Variants in ADGRB1 observed in about 807,000 individuals in gnomAD.
The protein encoded by ADGRB1 is brain-specific angiogenesis inhibitor 1.
Under a neutral mutation model 175.7 loss-of-function variants are expected in ADGRB1, and 36 were observed. The observed-to-expected ratio is 0.20, with a 90% CI of 0.16 to 0.27. The LOEUF (loss-of-function observed/expected upper bound fraction) is 0.27, where lower values mean the gene tolerates loss of function less well. ADGRB1 is among the 10% of genes least tolerant of loss of function. The pLI is 1.00. For synonymous variants in ADGRB1, 1,054 were observed against 979.4 expected (o/e 1.08, Z -1.42); for missense variants, 1,731 against 2,255.3 (o/e 0.77, Z 4.71).
At chr8:142,530,131 G>C (rs780889284) in intron 24 of ADGRB1, among the ~76,000 whole-genome samples, 1 of 152,118 alleles carries the variant, frequency 6.6e-6, no homozygotes, top group Admixed American at 6.5e-5. Flanking sequence ...ATAAGTGTGA[G>C]TGTGTATATA....
Position 142,474,266 on chromosome 8 carries a change from C to T in ADGRB1, c.785-1208C>T, listed in dbSNP as rs546083682. Among the ~76,000 whole-genome samples, 39 of 152,114 alleles carry T rather than the reference C, an allele frequency of 2.6e-4. No individual in the cohort carries two copies. The highest frequency in any genetic ancestry group is 5.3e-4 in the Non-Finnish European group (36 of 67,982). ...CCTGATTGCTGCCCCTGGGGCCTCC[C>T]CTGCTGTACCTGGGATCGAGCTGCC... On this transcript the variant is annotated intron_variant, in intron 2 of 30. Coordinates refer to ENST00000517894, the MANE Select transcript of ADGRB1 (RefSeq NM_001702.3). This position sits in a 1 kb window ranked among gnomAD's most constrained non-coding sequence, Gnocchi z 5.8.
chr8:142,488,302 G>GC, intron 13 of ADGRB1, 62 bp from the exon 14 acceptor site: 1 of 1,594,202 alleles, frequency 6.3e-7, no homozygotes, highest in South Asian at 1.1e-5. Context: ...CGCAGCTGAG[G>GC]CCCCGCCACA....
chr8:142,536,117 G>T (rs539807996), intron 25 of ADGRB1, among the ~76,000 whole-genome samples: 34 of 151,994 alleles, frequency 2.2e-4, no homozygotes, highest in Non-Finnish European at 3.8e-4. Flanking sequence ...GTAGGTGGGT[G>T]CCTGGAAGCC....
chr8:142,464,313 G>C lies in ADGRB1; in HGVS notation c.115G>C (p.Gly39Arg). 2 of 1,443,396 alleles carry C rather than the reference G, an allele frequency of 1.4e-6. No individual in the cohort carries two copies. Among genetic ancestry groups the C allele is most frequent in the South Asian group, 1.4e-5 (1 of 70,788 alleles). 89.4% of individuals were successfully genotyped at this position (1,443,396 alleles called of 1,614,324 possible). ...RAAAGADAGP[G>R]PEPCATLVQG... ...GGCCGCCGGAGCAGACGCGGGGCCC[G>C]GGCCCGAGCCGTGCGCCACGCTGGT... Residue 39 changes from glycine (G) to arginine (R), a missense_variant, in exon 2 of 31, where the codon GGG (glycine) becomes CGG (arginine). This residue lies in a region of ADGRB1 where 383 missense variants were observed against 383.1 expected (regional missense o/e 1.00). Transcript: ENST00000517894.
intron 23 of ADGRB1, among the ~76,000 whole-genome samples, chr8:142,526,295 A>G (rs1161252185): frequency 1.3e-5 from 2 of 152,140 alleles, no homozygotes; most frequent in Non-Finnish European, 2.9e-5. Context: ...AAGGGATGCA[A>G]GGAGTTGCAG....
rs763787579 is a variant in ADGRB1 at position 142,542,201 on chromosome 8, G to A, written c.3967G>A (p.Gly1323Arg). Residue 1323 changes from glycine (G) to arginine (R), a missense_variant, in exon 28 of 31, where the codon GGG becomes AGG. This residue lies in a region of ADGRB1 where 394 missense variants were observed against 410.2 expected (regional missense o/e 0.96). Transcript: ENST00000517894. This position sits in a 1 kb window ranked among gnomAD's most constrained non-coding sequence, Gnocchi z 6.3. The part of the protein sequence containing the change: ...KAPKSSFVGD[G>R]DIFKKLDSEL... ...GCCCAAGTCCTCCTTCGTCGGTGAC[G>A]GGGACATCTTCAAGAAGCTGGACTC... 3.7e-6 allele frequency: 6 copies of A among 1,613,634 alleles called. No homozygotes were observed. Among genetic ancestry groups the A allele is most frequent in the East Asian group, 2.2e-5 (1 of 44,862 alleles).
At chr8:142,478,469 C>T in intron 7 of ADGRB1, 109 bp downstream of exon 7, 1 of 1,282,484 alleles carries the variant, frequency 7.8e-7, no homozygotes, top group Admixed American at 2.6e-5. Context: ...CGGCATGTGA[C>T]TGAGGAGGGA....
chr8:142,491,602 G>A (rs771328171), intron 17 of ADGRB1, among the ~76,000 whole-genome samples: 53 of 152,188 alleles, frequency 3.5e-4, no homozygotes, highest in Admixed American at 9.2e-4. Flanking sequence ...ATGCGGCTCC[G>A]GCCTGAGGGG....
Position 142,524,250 on chromosome 8 carries a change from C to T in ADGRB1, c.3258C>T (p.Ser1086=). Residue 1086 remains serine, a synonymous_variant, in exon 23 of 31, where the codon TCC becomes TCT. Coordinates refer to ENST00000517894, the MANE Select transcript of ADGRB1 (RefSeq NM_001702.3). ...GTCTCCTCCCCAGCTGCTGGCTCTC[C>T]CTGGAGGGGGGACTGCTCTATGCCT... is the stretch of plus-strand genomic sequence containing the variant. ...GYSTMNYCWL[S]LEGGLLYAFV... 1 of 1,600,418 alleles carries T rather than the reference C, an allele frequency of 6.2e-7. No individual in the cohort carries two copies. The highest frequency in any genetic ancestry group is 1.3e-5 in the African/African-American group (1 of 74,992).
chr8:142,454,034 C>T (rs1006212962), intron 1 of ADGRB1, among the ~76,000 whole-genome samples: 4 of 152,176 alleles, frequency 2.6e-5, no homozygotes, highest in African/African-American at 9.7e-5. Flanking sequence ...AAGGTCTTGG[C>T]CCATGTTCTG....
At chr8:142,491,188 G>A (rs1841964141) in intron 17 of ADGRB1, among the ~76,000 whole-genome samples, 1 of 152,262 alleles carries the variant, frequency 6.6e-6, no homozygotes, top group African/African-American at 2.4e-5. Context: ...GGCTGCGAAA[G>A]CTTCCATGAC....
chr8:142,482,180 TCACACTGAGCCCTGATCCTGGTCA>T (rs1450858333), intron 11 of ADGRB1, among the ~76,000 whole-genome samples: 23 of 136,540 alleles, frequency 1.7e-4, no homozygotes, highest in Middle Eastern at 5.2e-3. Flanking sequence ...CTGACCCTGG[TCACACTGAGCCCTGATCCTGGTCA>T]CACACTGAGC....
chr8:142,544,565 G>A lies in ADGRB1; in HGVS notation c.*148G>A, dbSNP rs1845478040. ...CGCTCAGACGGCGGCCAGGCACAGG[G>A]CCCGCAGTGCTGGGACCAGAGCCAG... On this transcript the variant is annotated 3_prime_UTR_variant, in exon 31 of 31. Transcript: ENST00000517894. 1 of 954,392 alleles carries A rather than the reference G, an allele frequency of 1.0e-6. No homozygotes were observed. Among genetic ancestry groups the A allele is most frequent in the Non-Finnish European group, 1.4e-6 (1 of 698,110 alleles). 59.1% of individuals were successfully genotyped at this position (954,392 alleles called of 1,614,324 possible). A position where few individuals can be genotyped will look rare whatever the true frequency, so the allele number is the denominator to read the frequency against.
intron 17 of ADGRB1, among the ~76,000 whole-genome samples, chr8:142,508,016 C>A (rs1255339718): frequency 6.6e-6 from 1 of 151,992 alleles, no homozygotes; most frequent in African/African-American, 2.4e-5. Context: ...GATTATCCAA[C>A]GTCACATAGC....
chr8:142,469,725 A>G (rs1395317363), intron 2 of ADGRB1, among the ~76,000 whole-genome samples: 1 of 151,082 alleles, frequency 6.6e-6, no homozygotes, highest in Non-Finnish European at 1.5e-5. Flanking sequence ...GAGTGCATGC[A>G]CATGCATGTG....
intron 2 of ADGRB1, among the ~76,000 whole-genome samples, chr8:142,471,355 T>C (rs1246064333): frequency 2.0e-5 from 3 of 152,220 alleles, no homozygotes; most frequent in Non-Finnish European, 4.4e-5. Context: ...TTGGTTCCAC[T>C]TCCCAGAAAG....
chr8:142,543,584 C>T lies in ADGRB1; in HGVS notation c.4450-17C>T, dbSNP rs370588614. 1.2e-3 allele frequency: 1,824 copies of T among 1,568,958 alleles called. 16 individuals carry two copies. Among genetic ancestry groups the T allele is most frequent in the East Asian group, 8.6e-3 (359 of 41,872 alleles). ...CTCCTCCTGGCCCAGGACTCACTGC[C>T]CAGACCCCGCCTGCAGAAGATCATG... On this transcript the variant is annotated splice_polypyrimidine_tract_variant and intron_variant, in intron 29 of 30. Transcript: ENST00000517894. This position sits in a 1 kb window ranked among gnomAD's most constrained non-coding sequence, Gnocchi z 4.4.
At chr8:142,518,734 C>T (rs1843593875) in intron 19 of ADGRB1, among the ~76,000 whole-genome samples, 1 of 152,218 alleles carries the variant, frequency 6.6e-6, no homozygotes, top group African/African-American at 2.4e-5. Flanking sequence ...TGGAGGAGAG[C>T]TCGTGTTTGA....
intron 14 of ADGRB1, 50 bp downstream of exon 14, chr8:142,488,557 C>T: frequency 1.3e-6 from 2 of 1,598,196 alleles, no homozygotes; most frequent in Non-Finnish European, 1.7e-6. Flanking sequence ...ACGTGGGCCC[C>T]AGAGTCGGAC....
Sources: allele counts gnomAD v4.1 joint callset (sites outside exome capture counted in the v4.1 genomes callset), GRCh38; gene constraint gnomAD v4.1.1; regional missense constraint gnomAD v4.1.1; non-coding constraint Gnocchi (gnomAD v3.1); transcripts MANE v1.5; gene names NCBI Gene and HGNC (gene_info 2026-07-23, HGNC 2026-07-21).